Variants in UCHL3 observed in about 807,000 individuals in gnomAD.
UCHL3 encodes ubiquitin carboxyl-terminal hydrolase isozyme L3.
A neutral mutation model predicts 35.8 loss-of-function variants in UCHL3; 22 were observed. The ratio of observed to expected loss-of-function variants is 0.61; its 90% CI spans 0.44 to 0.88. The LOEUF is 0.88. Among genes scored for constraint, UCHL3 ranks in the 40% least tolerant of loss-of-function variants. The pLI, the probability that UCHL3 is intolerant of heterozygous loss-of-function variation, is 0.00. For missense variants in UCHL3, 229 were observed against 276.9 expected (o/e 0.83, Z 1.23); for synonymous variants, 90 against 92.8 (o/e 0.97, Z 0.17).
At chr13:75,561,041 C>T (rs1358127993) in intron 3 of UCHL3, among the ~76,000 whole-genome samples, 160 bp downstream of exon 3, 1 of 152,152 alleles carries the variant, frequency 6.6e-6, no homozygotes, top group African/African-American at 2.4e-5. Context: ...AGCGATCCTC[C>T]CACCTTAGCC....
chr13:75,582,148 A>G (rs2032205082), intron 6 of UCHL3, among the ~76,000 whole-genome samples: 1 of 146,108 alleles, frequency 6.8e-6, no homozygotes, highest in Non-Finnish European at 1.5e-5. Context: ...TGTCATGCTT[A>G]TGGTCTGTAT....
chr13:75,596,733 C>T (rs980858372), intron 7 of UCHL3, among the ~76,000 whole-genome samples: 1 of 151,994 alleles, frequency 6.6e-6, no homozygotes, highest in Non-Finnish European at 1.5e-5. Context: ...AAAAAAAACT[C>T]GGTTTTACTA....
chr13:75,555,296 A>G (rs1271700377), intron 2 of UCHL3, among the ~76,000 whole-genome samples: 2 of 152,162 alleles, frequency 1.3e-5, no homozygotes, highest in Admixed American at 6.6e-5. Context: ...CTGTACTGTC[A>G]TCCTCACTTG....
intron 6 of UCHL3, among the ~76,000 whole-genome samples, chr13:75,580,648 ATAT>A (rs1002603469): frequency 6.6e-6 from 1 of 152,144 alleles, no homozygotes; most frequent in African/African-American, 2.4e-5. Flanking sequence ...TATGTCTACC[ATAT>A]TATTATAATG....
intron 3 of UCHL3, among the ~76,000 whole-genome samples, chr13:75,561,811 ACG>A (rs2031513323): frequency 6.3e-5 from 2 of 31,884 alleles, no homozygotes; most frequent in Non-Finnish European, 1.4e-4. Flanking sequence ...ACGTATACAT[ACG>A]TATACGTATA....
chr13:75,587,823 G>A (rs533954068), intron 6 of UCHL3, among the ~76,000 whole-genome samples: 1 of 152,266 alleles, frequency 6.6e-6, no homozygotes, highest in South Asian at 2.1e-4. Context: ...CTTAAGGGAT[G>A]AGGTAATGTC....
chr13:75,566,943 CTA>C, intron 4 of UCHL3, 92 bp downstream of exon 4: 2 of 1,378,730 alleles, frequency 1.5e-6, no homozygotes, highest in East Asian at 4.7e-5. Flanking sequence ...TTTCTTCAAA[CTA>C]TAAAATAAAG....
intron 6 of UCHL3, among the ~76,000 whole-genome samples, chr13:75,591,859 G>A (rs994286617): frequency 2.0e-5 from 3 of 152,044 alleles, no homozygotes; most frequent in South Asian, 2.1e-4. Context: ...TTGGATTTTG[G>A]TTGGATTATT....
At chr13:75,550,023 CTT>C (rs1198706043) in intron 2 of UCHL3, 36 bp downstream of exon 2, 2 of 1,614,150 alleles carry the variant, frequency 1.2e-6, no homozygotes, top group African/African-American at 2.7e-5. Context: ...ACCTCGGAGT[CTT>C]TTCTGTCTGC....
intron 6 of UCHL3, among the ~76,000 whole-genome samples, chr13:75,587,481 T>C (rs568038278): frequency 6.6e-5 from 10 of 152,246 alleles, no homozygotes; most frequent in African/African-American, 2.2e-4. Flanking sequence ...GATATTAATG[T>C]AAGTTAATTC....
At chr13:75,562,552 C>G (rs1350010431) in intron 3 of UCHL3, among the ~76,000 whole-genome samples, 1 of 151,870 alleles carries the variant, frequency 6.6e-6, no homozygotes, top group Non-Finnish European at 1.5e-5. Context: ...AAATCAGTTG[C>G]CTAAAGCTTA....
chr13:75,551,318 G>A (rs1472854441), intron 2 of UCHL3, among the ~76,000 whole-genome samples: 2 of 151,556 alleles, frequency 1.3e-5, no homozygotes, highest in Non-Finnish European at 2.9e-5. Flanking sequence ...GTAATCCCGG[G>A]TACTTGGGAG....
In UCHL3 at chr13:75,566,744, A is replaced by G. The variant is rs980989864; in HGVS notation, c.233A>G (p.Gln78Arg). ...EEEEKIKSQGQDVTSSVYFMK... is the reference protein window; with the variant it reads ...EEEEKIKSQGRDVTSSVYFMK... Reference sequence around the variant, plus strand: ...GAAGAAAAAATAAAATCTCAGGGACAAGATGTTACATCATCAGTATATTTC... The same window carrying G: ...GAAGAAAAAATAAAATCTCAGGGACGAGATGTTACATCATCAGTATATTTC... The change falls in exon 4 of 9, where the codon CAA (glutamine) becomes CGA (arginine). Residue 78 changes from glutamine to arginine, a missense_variant. By Grantham distance (43) the Gln-to-Arg change is conservative (BLOSUM62 1). Coordinates refer to ENST00000377595, the MANE Select transcript of UCHL3 (RefSeq NM_006002.5). 1.9e-6 allele frequency: 3 copies of G among 1,606,288 alleles called. No homozygotes were observed. Among genetic ancestry groups the G allele is most frequent in the Non-Finnish European group, 1.7e-6 (2 of 1,176,528 alleles).
chr13:75,556,002 C>G (rs1205794105), intron 2 of UCHL3, among the ~76,000 whole-genome samples: 3 of 152,156 alleles, frequency 2.0e-5, no homozygotes, highest in African/African-American at 4.8e-5. Context: ...TCTTCCAGAA[C>G]CTTATCATAC....
intron 6 of UCHL3, among the ~76,000 whole-genome samples, chr13:75,592,450 A>G (rs1457260792): frequency 3.4e-5 from 4 of 119,004 alleles, no homozygotes; most frequent in African/African-American, 6.3e-5. Context: ...ATATATATAT[A>G]TATATATATA....
chr13:75,574,603 G>T (rs761343060), intron 6 of UCHL3, among the ~76,000 whole-genome samples: 1 of 152,184 alleles, frequency 6.6e-6, no homozygotes, highest in Non-Finnish European at 1.5e-5. Context: ...TGGGATTGTT[G>T]TGAAGACTAA....
At chr13:75,555,489 T>C (rs1322880065) in intron 2 of UCHL3, among the ~76,000 whole-genome samples, 1 of 152,186 alleles carries the variant, frequency 6.6e-6, no homozygotes, top group African/African-American at 2.4e-5. Context: ...GATGGAAGAA[T>C]GAATAGATCT....
chr13:75,560,937 G>T (rs2031472690), intron 3 of UCHL3, 56 bp downstream of exon 3: 1 of 1,453,190 alleles, frequency 6.9e-7, no homozygotes, highest in South Asian at 1.5e-5. Context: ...GTTTTATTCT[G>T]TCTTATTTTT....
chr13:75,597,658 T>C (rs1251403510), intron 7 of UCHL3, among the ~76,000 whole-genome samples: 1 of 152,240 alleles, frequency 6.6e-6, no homozygotes, highest in Admixed American at 6.5e-5. Flanking sequence ...AGGTAGAGTA[T>C]GTCAAGGGGC....
Sources: allele counts gnomAD v4.1 joint callset (sites outside exome capture counted in the v4.1 genomes callset), GRCh38; gene constraint gnomAD v4.1.1; transcripts MANE v1.5; gene names NCBI Gene and HGNC (gene_info 2026-07-23, HGNC 2026-07-21).